The following STX3 variants were observed in gnomAD, a reference collection of about 807,000 sequenced individuals.
The protein encoded by STX3 is syntaxin-3.
STX3 carries 19 observed loss-of-function variants against 40.2 expected under a neutral mutation model. The observed-to-expected ratio is 0.47, with a 90% confidence interval of 0.33 to 0.69. STX3 has a LOEUF of 0.69. Ranked by LOEUF, STX3 falls within the 30% of genes least tolerant of loss-of-function variation. The probability of loss-of-function intolerance (pLI) is 0.02; values close to 1 mark genes in which losing one functional copy is unlikely to be tolerated. For missense variants in STX3, 364 were observed against 366.7 expected (o/e 0.99, Z 0.06); for synonymous variants, 122 against 132.2 (o/e 0.92, Z 0.53).
At chr11:59,790,309 G>A (rs1865048011) in intron 4 of STX3, among the ~76,000 whole-genome samples, 1 of 152,202 alleles carries the variant, frequency 6.6e-6, no homozygotes, top group East Asian at 1.9e-4. Flanking sequence ...CAGAACCCAT[G>A]CTGTTAACTG....
intron 2 of STX3, chr11:59,781,729 C>G: frequency 1.9e-6 from 3 of 1,585,008 alleles, no homozygotes; most frequent in Non-Finnish European, 2.6e-6. Context: ...ATGGTGGGTG[C>G]GGGCGGGCTG....
rs150029187 is a variant in STX3 at position 59,791,352 on chromosome 11, T to C, written c.358-755T>C. Reference sequence around the variant, plus strand: ...TGTAGTGCCACATTCTAGAGGTCTTTGAGGACCAGTCTGGGGAATTTGGAT... The same window carrying C: ...TGTAGTGCCACATTCTAGAGGTCTTCGAGGACCAGTCTGGGGAATTTGGAT... On this transcript the variant is annotated intron_variant, in intron 5 of 10. Coordinates refer to ENST00000337979, the MANE Select transcript of STX3 (RefSeq NM_004177.5). 6.8e-3 allele frequency among the ~76,000 whole-genome samples: 1,031 copies of C among 152,302 alleles called. 11 individuals are homozygous for C. Among genetic ancestry groups the C allele is most frequent in the African/African-American group, 0.024 (983 of 41,540 alleles).
At position 59,781,100 on chromosome 11, in the gene STX3, T is replaced by TTTTATATA. The variant is rs963410109; in HGVS notation, c.115-5936_115-5935insTTATATAT. Reference sequence around the variant, plus strand: ...CATTTGTTTTCTTTTTTTTTTTTTTTTATATTAGCACAAACACATTTATTT... The same window carrying TTTTATATA: ...CATTTGTTTTCTTTTTTTTTTTTTTTTTTATATATATATTAGCACAAACACATTTATTT... On this transcript the variant is annotated intron_variant, in intron 2 of 10. Coordinates refer to ENST00000337979, the MANE Select transcript of STX3 (RefSeq NM_004177.5). 2.8e-3 allele frequency among the ~76,000 whole-genome samples: 404 copies of TTTTATATA among 146,354 alleles called. 6 individuals carry two copies. The highest frequency in any genetic ancestry group is 1.0e-2 in the African/African-American group (386 of 38,736).
intron 9 of STX3, among the ~76,000 whole-genome samples, chr11:59,796,489 T>C (rs1865525062): frequency 6.6e-6 from 1 of 152,222 alleles, no homozygotes; most frequent in South Asian, 2.1e-4. Flanking sequence ...ATGCAGGGAT[T>C]TAGGGGACTG....
At chr11:59,781,968 C>T (rs1403930287) in intron 2 of STX3, among the ~76,000 whole-genome samples, 1 of 152,202 alleles carries the variant, frequency 6.6e-6, no homozygotes, top group African/African-American at 2.4e-5. Context: ...TAATGCTCAA[C>T]TAGAGGTACA....
rs749752084 is a variant in STX3, at chr11:59,802,735, C to T, written c.*1911C>T. 1.8e-5 allele frequency: 18 copies of T among 985,820 alleles called. No individual in the cohort carries two copies. The highest frequency in any genetic ancestry group is 6.1e-5 in the Admixed American group (1 of 16,270). The allele number at this position is 985,820 out of a possible 1,614,324, so 61.1% of individuals were successfully genotyped here. A position where few individuals can be genotyped will look rare whatever the true frequency, so the allele number is the denominator to read the frequency against. ...TTCTGGCTCTGTCTCGATGCAGAAA[C>T]ACAATGATCTGGTGCCACCATGTGG... is the stretch of plus-strand genomic sequence containing the variant. On this transcript the variant is annotated 3_prime_UTR_variant, in exon 11 of 11. Coordinates refer to ENST00000337979, the MANE Select transcript of STX3 (RefSeq NM_004177.5).
chr11:59,761,234 C>T (rs1220014591), intron 1 of STX3, among the ~76,000 whole-genome samples: 1 of 152,180 alleles, frequency 6.6e-6, no homozygotes. Context: ...GATGTGGCTA[C>T]CATGGTGAAA....
rs141618030 is a variant in STX3 at position 59,773,384 on chromosome 11, A to G, written c.114+90A>G. 1,147 of 1,373,042 alleles carry G rather than the reference A, an allele frequency of 8.4e-4. 7 individuals carry two copies. The African/African-American group carries it at 0.014, about 17-fold the overall frequency. The allele number at this position is 1,373,042 out of a possible 1,614,324, so 85.1% of individuals were successfully genotyped here. ...TAAAAAACCTTAGATTTTTCAGGGT[A>G]GCAGAGGAAGGTCACAGTTTTTTGC... On this transcript the variant is annotated intron_variant, in intron 2 of 10. Transcript: ENST00000337979.
chr11:59,780,775 C>T (rs566007664), intron 2 of STX3, among the ~76,000 whole-genome samples: 8 of 152,244 alleles, frequency 5.3e-5, no homozygotes, highest in South Asian at 2.1e-4. Context: ...GGCTTCTTGA[C>T]GCTTCCATCC....
intron 1 of STX3, among the ~76,000 whole-genome samples, chr11:59,762,856 C>T (rs561878914): frequency 2.1e-4 from 32 of 152,322 alleles, no homozygotes; most frequent in Admixed American, 1.7e-3. Flanking sequence ...AAGGTCTGAT[C>T]TCCTCACCCT....
intron 5 of STX3, 117 bp downstream of exon 5, chr11:59,790,703 C>T (rs935130743): frequency 2.6e-6 from 2 of 765,040 alleles, no homozygotes; most frequent in African/African-American, 1.8e-5. Context: ...ATTTGAAGAC[C>T]TGGTAAAGGA....
chr11:59,790,651 A>G, intron 5 of STX3, 65 bp downstream of exon 5: 1 of 1,262,774 alleles, frequency 7.9e-7, no homozygotes, highest in Non-Finnish European at 1.1e-6. Context: ...TTAACTGTGG[A>G]GGGATTTTTT....
chr11:59,773,186 C>G, intron 1 of STX3, 25 bp from the exon 2 acceptor site: 1 of 1,612,324 alleles, frequency 6.2e-7, no homozygotes, highest in East Asian at 2.2e-5. Context: ...TTTAGCCTCA[C>G]TCTGCTCTTT....
Position 59,787,056 on chromosome 11 carries a change from A to G in STX3, c.134A>G (p.Asn45Ser), listed in dbSNP as rs761134168. The change falls in exon 3 of 11, where the codon AAC (asparagine) becomes AGC (serine). Residue 45 changes from asparagine (N) to serine (S), a missense_variant. Asn to Ser is a conservative substitution (Grantham distance 46). Transcript: ENST00000337979. ...FFSEIEETRLNIDKISEHVEE... is the reference protein window; with the variant it reads ...FFSEIEETRLSIDKISEHVEE... ...TTATAGATTGAGGAAACTCGGCTTA[A>G]CATTGACAAGATCTCAGAACATGTA... is the stretch of plus-strand genomic sequence containing the variant. 2 of 1,614,160 alleles carry G rather than the reference A, an allele frequency of 1.2e-6. No individual in the cohort carries two copies. Among genetic ancestry groups the G allele is most frequent in the Non-Finnish European group, 1.7e-6 (2 of 1,180,004 alleles).
intron 1 of STX3, among the ~76,000 whole-genome samples, chr11:59,760,920 A>G (rs965784374): frequency 6.6e-6 from 1 of 152,222 alleles, no homozygotes; most frequent in Non-Finnish European, 1.5e-5. Flanking sequence ...CCCAGGGCCT[A>G]GCACTCTGCA....
intron 5 of STX3, 69 bp downstream of exon 5, chr11:59,790,655 AT>A (rs370918929): frequency 0.16 from 131,078 of 815,664 alleles, 2 homozygotes; most frequent in South Asian, 0.23. Flanking sequence ...CTGTGGAGGG[AT>A]TTTTTTTTTT....
chr11:59,783,420 T>G (rs1864546512), intron 2 of STX3, among the ~76,000 whole-genome samples: 1 of 152,254 alleles, frequency 6.6e-6, no homozygotes, highest in South Asian at 2.1e-4. Context: ...AGACTCGATA[T>G]TCTCATATGT....
chr11:59,793,059 G>A (rs1325498229), intron 6 of STX3, 40 bp from the exon 7 acceptor site: 18 of 1,600,162 alleles, frequency 1.1e-5, no homozygotes, highest in East Asian at 2.2e-5. Flanking sequence ...GTGTTTCACC[G>A]TGATCTTATA....
Position 59,803,089 on chromosome 11 carries a change from C to T in STX3, c.*2265C>T, listed in dbSNP as rs1366858107. Reference sequence around the variant, plus strand: ...TCTGGGTCCTAGAAGCCAGATCCATCTCCTTTTTCCTTCTGTTGCTCTCTT... The same window carrying T: ...TCTGGGTCCTAGAAGCCAGATCCATTTCCTTTTTCCTTCTGTTGCTCTCTT... On this transcript the variant is annotated 3_prime_UTR_variant, in exon 11 of 11. Coordinates refer to ENST00000337979, the MANE Select transcript of STX3 (RefSeq NM_004177.5). 1 of 1,227,968 alleles carries T rather than the reference C, an allele frequency of 8.1e-7. No individual in the cohort carries two copies. Among genetic ancestry groups the T allele is most frequent in the Non-Finnish European group, 1.0e-6 (1 of 986,090 alleles). 76.1% of individuals were successfully genotyped at this position (1,227,968 alleles called of 1,614,324 possible). A position where few individuals can be genotyped will look rare whatever the true frequency, so the allele number is the denominator to read the frequency against.
Sources: gnomAD v4.1 joint callset for allele counts (sites outside exome capture counted in the v4.1 genomes callset) on GRCh38, gnomAD v4.1.1 for gene constraint, MANE v1.5 for transcripts, NCBI Gene and HGNC (gene_info 2026-07-23, HGNC 2026-07-21) for gene names.